The following C1orf105 variants were observed in gnomAD, a reference collection of about 807,000 sequenced individuals.
C1orf105 encodes uncharacterized protein C1orf105.
In C1orf105, 17 loss-of-function variants were observed where a neutral mutation model predicts 20.8. The ratio of observed to expected loss-of-function variants is 0.82; its 90% CI spans 0.56 to 1.23. C1orf105 has a LOEUF of 1.23. Among genes scored for constraint, C1orf105 ranks in the 50% most tolerant of loss-of-function variants. C1orf105 has a pLI of 0.00. For missense variants in C1orf105, 219 were observed against 213.5 expected (o/e 1.03, Z -0.16); for synonymous variants, 72 against 72.1 (o/e 1.00, Z 0.01).
chr1:172,442,331 C>T, intron 1 of C1orf105: 1 of 1,613,192 alleles, frequency 6.2e-7, no homozygotes, highest in Non-Finnish European at 8.5e-7. Flanking sequence ...TCAAACAAAA[C>T]ATACCCAATC....
At chr1:172,442,096 G>A (rs776008561) in intron 1 of C1orf105, 5 of 1,614,098 alleles carry the variant, frequency 3.1e-6, no homozygotes, top group South Asian at 1.1e-5. Flanking sequence ...CAAGGATAGT[G>A]TGCTGGATAC....
chr1:172,460,552 A>T (rs776236658), intron 4 of C1orf105, among the ~76,000 whole-genome samples: 2 of 152,240 alleles, frequency 1.3e-5, no homozygotes, highest in Non-Finnish European at 2.9e-5. Context: ...AACTGTAAAC[A>T]GATATTCTCT....
intron 1 of C1orf105, chr1:172,431,062 T>G: frequency 1.5e-6 from 1 of 659,170 alleles, no homozygotes; most frequent in Non-Finnish European, 2.8e-6. Context: ...GGCCTCCCTA[T>G]TTCCTGAGAC....
chr1:172,457,212 T>C (rs907562625), intron 4 of C1orf105, among the ~76,000 whole-genome samples: 1 of 152,124 alleles, frequency 6.6e-6, no homozygotes, highest in South Asian at 2.1e-4. Flanking sequence ...AGCGTCAGGG[T>C]AAGGAAGAGG....
rs78728841 is a variant in C1orf105 at position 172,456,500 on chromosome 1, G to A, written c.273+11G>A. On this transcript the variant is annotated intron_variant, in intron 4 of 6. Coordinates refer to ENST00000367727, the MANE Select transcript of C1orf105 (RefSeq NM_139240.4). ...CAAGAAATGAAAATGGTAGGCAAGG[G>A]GGAAGACAGAAATGGGCACAGGCAT... 0.055 allele frequency: 89,182 copies of A among 1,611,506 alleles called. 2,773 individuals carry two copies. The highest frequency in any genetic ancestry group is 0.11 in the East Asian group (4,810 of 44,852).
At chr1:172,430,369 A>C (rs964282455) in intron 1 of C1orf105, 41 of 689,974 alleles carry the variant, frequency 5.9e-5, no homozygotes, top group Non-Finnish European at 9.5e-5. Flanking sequence ...GGCAGCAGTT[A>C]AGGGCTCTGG....
intron 3 of C1orf105, among the ~76,000 whole-genome samples, chr1:172,454,351 C>T (rs962251763): frequency 1.3e-5 from 2 of 151,264 alleles, no homozygotes; most frequent in Non-Finnish European, 2.9e-5. Flanking sequence ...CTAGTGTGTC[C>T]TACCTTAATT....
At chr1:172,444,651 T>C (rs1359788782) in intron 1 of C1orf105, among the ~76,000 whole-genome samples, 2 of 152,188 alleles carry the variant, frequency 1.3e-5, no homozygotes, top group African/African-American at 4.8e-5. Context: ...TATCCAGTTG[T>C]CTATAGCTTC....
At chr1:172,436,085 A>G (rs2149164486) in intron 1 of C1orf105, among the ~76,000 whole-genome samples, 1 of 152,346 alleles carries the variant, frequency 6.6e-6, no homozygotes, top group Middle Eastern at 3.4e-3. Context: ...TCAACAAAAT[A>G]AAAGAGGACA....
chr1:172,436,592 C>T (rs916585078), intron 1 of C1orf105, among the ~76,000 whole-genome samples: 1 of 152,126 alleles, frequency 6.6e-6, no homozygotes, highest in East Asian at 1.9e-4. Flanking sequence ...AAAATTAATT[C>T]AAGATGGATT....
Position 172,443,979 on chromosome 1 carries a change from C to T in C1orf105, c.22-1094C>T, listed in dbSNP as rs114933316. ...CGGAAACACTGACCGTTACACGGAA[C>T]CCACCTACCCGAGAGTTCCTAGGGT... On this transcript the variant is annotated intron_variant, in intron 1 of 6. Coordinates refer to ENST00000367727, the MANE Select transcript of C1orf105 (RefSeq NM_139240.4). The T allele has an allele frequency of 7.1e-4, 714 of 1,000,280 alleles. 3 individuals carry two copies. In the African/African-American group the frequency reaches 0.012, roughly 17 times the overall value. 62.0% of individuals were successfully genotyped at this position (1,000,280 alleles called of 1,614,324 possible). A position where few individuals can be genotyped will look rare whatever the true frequency, so the allele number is the denominator to read the frequency against.
chr1:172,453,266 C>T (rs1399004889), intron 3 of C1orf105: 1 of 1,443,276 alleles, frequency 6.9e-7, no homozygotes, highest in Non-Finnish European at 9.3e-7. Flanking sequence ...AGAGCATCCG[C>T]CTCTGTCTTT....
intron 1 of C1orf105, among the ~76,000 whole-genome samples, chr1:172,423,103 C>A (rs2071633319): frequency 6.6e-6 from 1 of 151,644 alleles, no homozygotes; most frequent in Admixed American, 6.6e-5. Flanking sequence ...TTACCACCTG[C>A]TGATTGTAGC....
At chr1:172,441,923 G>A in intron 1 of C1orf105, 1 of 1,614,172 alleles carries the variant, frequency 6.2e-7, no homozygotes, top group South Asian at 1.1e-5. Flanking sequence ...AATGCAAAAA[G>A]CAGTGTGACC....
intron 3 of C1orf105, among the ~76,000 whole-genome samples, chr1:172,449,790 G>C (rs906886341): frequency 2.0e-5 from 3 of 152,212 alleles, no homozygotes; most frequent in African/African-American, 7.2e-5. Context: ...GGGTAGAGGT[G>C]GGGGATGAGC....
At chr1:172,455,714 T>C (rs902815351) in intron 3 of C1orf105, among the ~76,000 whole-genome samples, 1 of 152,104 alleles carries the variant, frequency 6.6e-6, no homozygotes, top group Non-Finnish European at 1.5e-5. Context: ...ACGGTGCCCC[T>C]CCCCTTCCTC....
At chr1:172,446,571 A>C (rs1008936529) in intron 2 of C1orf105, among the ~76,000 whole-genome samples, 24 of 152,232 alleles carry the variant, frequency 1.6e-4, no homozygotes, top group African/African-American at 5.8e-4. Context: ...TTGATCTAAT[A>C]GGGTAATATC....
chr1:172,446,089 A>C (rs1647970810), intron 2 of C1orf105, among the ~76,000 whole-genome samples: 1 of 152,208 alleles, frequency 6.6e-6, no homozygotes, highest in South Asian at 2.1e-4. Flanking sequence ...ATTAAAAAAA[A>C]ATCTCATTCT....
intron 1 of C1orf105, chr1:172,431,164 A>T (rs1232088005): frequency 2.1e-6 from 1 of 470,500 alleles, no homozygotes; most frequent in African/African-American, 2.0e-5. Flanking sequence ...TTAAATCAAA[A>T]GTAGAAATGA....
Sources: allele counts gnomAD v4.1 joint callset (sites outside exome capture counted in the v4.1 genomes callset), GRCh38; gene constraint gnomAD v4.1.1; transcripts MANE v1.5; gene names NCBI Gene and HGNC (gene_info 2026-07-23, HGNC 2026-07-21).